Variants in THAP2 observed in about 807,000 individuals in gnomAD.
The protein encoded by THAP2 is THAP domain containing 2, also known as THAP domain-containing protein 2.
Under a neutral mutation model 18.8 loss-of-function variants are expected in THAP2, and 16 were observed. The ratio of observed to expected loss-of-function variants is 0.85; its 90% CI spans 0.58 to 1.29. The LOEUF (loss-of-function observed/expected upper bound fraction) is 1.29. Ranked by LOEUF, THAP2 falls within the 50% of genes most tolerant of loss-of-function variation. THAP2 has a pLI of 0.00. For synonymous variants in THAP2, 80 were observed against 89.2 expected, an observed-to-expected ratio of 0.90 and a Z score of 0.58; for missense variants, 251 against 265.3, an observed-to-expected ratio of 0.95 and a Z score of 0.38.
rs1443754574 is a variant in THAP2 at position 71,677,957 on chromosome 12, A to G, written c.*849A>G. On this transcript the variant is annotated 3_prime_UTR_variant, in exon 3 of 3. Coordinates refer to ENST00000308086, the MANE Select transcript of THAP2 (RefSeq NM_031435.4). ...AAGGTTTTTTGTTTTCTTTTTAACT[A>G]CTTTCCAAATGCATACTATACCTCA... The G allele has an allele frequency of 6.6e-6, 1 of 152,128 alleles. No individual in the cohort carries two copies. Among genetic ancestry groups the G allele is most frequent in the Non-Finnish European group, 1.5e-5 (1 of 68,016 alleles). 9.4% of individuals were successfully genotyped at this position (152,128 alleles called of 1,614,324 possible). A position where few individuals can be genotyped will look rare whatever the true frequency, so the allele number is the denominator to read the frequency against.
At position 71,676,716 on chromosome 12, in the gene THAP2, A is replaced by G; in HGVS notation, c.295A>G (p.Lys99Glu). 6.3e-7 allele frequency: 1 copy of G among 1,580,356 alleles called. No homozygotes were observed. Among genetic ancestry groups the G allele is most frequent in the Non-Finnish European group, 8.6e-7 (1 of 1,166,678 alleles). ...MKLKSRNLLK[K>E]NNSCSPAGPS... ...ACTCAAGTCAAGGAATCTTTTGAAGAAAAACAACAGTTGTTCTCCAGCTGG... is the reference window on the plus strand; with the variant it reads ...ACTCAAGTCAAGGAATCTTTTGAAGGAAAACAACAGTTGTTCTCCAGCTGG... The change falls in exon 3 of 3, where the codon AAA becomes GAA. Residue 99 changes from lysine to glutamate, a missense_variant. Physicochemically the swap from Lys to Glu is moderately conservative, Grantham distance 56 (BLOSUM62 1). Transcript: ENST00000308086.
rs1881299730 is a variant in THAP2, at chr12:71,664,754, G to A, written c.71+174G>A. The A allele has an allele frequency of 2.0e-5, 16 of 792,198 alleles. No individual in the cohort carries two copies. The East Asian group carries it at 4.3e-4, about 21-fold the overall frequency. 49.1% of individuals were successfully genotyped at this position (792,198 alleles called of 1,614,324 possible). A position where few individuals can be genotyped will look rare whatever the true frequency, so the allele number is the denominator to read the frequency against. On this transcript the variant is annotated intron_variant, in intron 1 of 2. Coordinates refer to ENST00000308086, the MANE Select transcript of THAP2 (RefSeq NM_031435.4). ...TCTGCCCAATTGTTCTCTGCTTTCG[G>A]GGAAGCTTTACTCATTTTCTAAAAG...
chr12:71,666,643 A>G (rs904305605), intron 1 of THAP2, among the ~76,000 whole-genome samples: 1 of 152,258 alleles, frequency 6.6e-6, no homozygotes, highest in African/African-American at 2.4e-5. Flanking sequence ...AATAGTATTC[A>G]TTATAATAAA....
Position 71,677,537 on chromosome 12 carries a change from T to G in THAP2, c.*429T>G, listed in dbSNP as rs1012678203. 1.3e-5 allele frequency: 2 copies of G among 152,244 alleles called. No individual in the cohort carries two copies. The highest frequency in any genetic ancestry group is 2.9e-5 in the Non-Finnish European group (2 of 68,058). 9.4% of individuals were successfully genotyped at this position (152,244 alleles called of 1,614,324 possible). ...TTAAAACTGCTGGGTTTTGTATTAA[T>G]TAAATTATAATTGGCACTGTGATTT... On this transcript the variant is annotated 3_prime_UTR_variant, in exon 3 of 3. Transcript: ENST00000308086.
chr12:71,674,459 T>C (rs991746783), intron 2 of THAP2, 61 bp downstream of exon 2: 10 of 1,477,656 alleles, frequency 6.8e-6, no homozygotes, highest in South Asian at 1.4e-5. Context: ...TTTTTGTTTA[T>C]GCAGTTATTA....
rs559579304 is a variant in THAP2, at chr12:71,664,631, C to T, written c.71+51C>T. The T allele has an allele frequency of 4.9e-5, 79 of 1,599,340 alleles. No homozygotes were observed. In the East Asian group the frequency reaches 1.6e-3, roughly 33 times the overall value. ...ACGGAAACTGGAGTTCCTATTGTGGCTATCGCTTGTGTGGAAGGAACAGGA... is the reference window on the plus strand; with the variant it reads ...ACGGAAACTGGAGTTCCTATTGTGGTTATCGCTTGTGTGGAAGGAACAGGA... On this transcript the variant is annotated intron_variant, in intron 1 of 2. Transcript: ENST00000308086.
Position 71,676,928 on chromosome 12 carries a change from C to T in THAP2, c.507C>T (p.Ala169=), listed in dbSNP as rs1375936913. 6.2e-7 allele frequency: 1 copy of T among 1,613,624 alleles called. No homozygotes were observed. The highest frequency in any genetic ancestry group is 1.7e-5 in the Admixed American group (1 of 59,964). Residue 169 remains alanine (A), a synonymous_variant, in exon 3 of 3, where the codon GCC becomes GCT. Transcript: ENST00000308086. ...ERRATRRWIK[A]TCLVKNLEAN... ...GAGCAACTCGAAGATGGATCAAAGC[C>T]ACGTGTTTGGTAAAGAATTTAGAAG...
At chr12:71,668,215 T>C (rs1486788169) in intron 1 of THAP2, among the ~76,000 whole-genome samples, 1 of 152,206 alleles carries the variant, frequency 6.6e-6, no homozygotes, top group Non-Finnish European at 1.5e-5. Context: ...CCACCCTAAC[T>C]TCTCTAGCTG....
intron 2 of THAP2, 84 bp downstream of exon 2, chr12:71,674,482 T>G: frequency 1.5e-6 from 2 of 1,346,738 alleles, no homozygotes; most frequent in Non-Finnish European, 2.0e-6. Context: ...TGAAATTCAT[T>G]TATAGTGATA....
chr12:71,675,953 C>T (rs1881512232), intron 2 of THAP2, among the ~76,000 whole-genome samples: 2 of 151,684 alleles, frequency 1.3e-5, no homozygotes, highest in East Asian at 1.9e-4. Context: ...GATACGGGCC[C>T]AGTGTAAGTA....
At chr12:71,676,345 T>C (rs1233883544) in intron 2 of THAP2, among the ~76,000 whole-genome samples, 1 of 152,090 alleles carries the variant, frequency 6.6e-6, no homozygotes, top group Admixed American at 6.6e-5. Flanking sequence ...AATATCTACA[T>C]ATATTGTAAA....
chr12:71,668,578 A>G (rs190977346), intron 1 of THAP2, among the ~76,000 whole-genome samples: 56 of 152,262 alleles, frequency 3.7e-4, no homozygotes, highest in Non-Finnish European at 7.1e-4. Context: ...ACTCTATTCT[A>G]TTGCATCCAG....
intron 1 of THAP2, among the ~76,000 whole-genome samples, chr12:71,673,846 G>A (rs557453229): frequency 1.3e-5 from 2 of 152,086 alleles, no homozygotes; most frequent in Non-Finnish European, 2.9e-5. Context: ...ACATATATCA[G>A]CAGCAGATTA....
chr12:71,676,564 T>C, intron 2 of THAP2, 125 bp from the exon 3 acceptor site: 3 of 953,386 alleles, frequency 3.1e-6, no homozygotes, highest in Non-Finnish European at 4.5e-6. Context: ...TGCTGTTTCC[T>C]ATTAAAGTTT....
At chr12:71,666,157 AGAAACTACTGAATTT>A (rs1474043736) in intron 1 of THAP2, among the ~76,000 whole-genome samples, 1 of 152,154 alleles carries the variant, frequency 6.6e-6, no homozygotes, top group Non-Finnish European at 1.5e-5. Flanking sequence ...ATGTTCAAGG[AGAAACTACTGAATTT>A]AGTAATTTGA....
At chr12:71,670,447 C>T (rs977609005) in intron 1 of THAP2, among the ~76,000 whole-genome samples, 20 of 152,106 alleles carry the variant, frequency 1.3e-4, no homozygotes, top group African/African-American at 4.8e-4. Flanking sequence ...GTACAGTTGA[C>T]CCTTGAACAA....
At chr12:71,668,371 A>G (rs1881378180) in intron 1 of THAP2, among the ~76,000 whole-genome samples, 1 of 152,334 alleles carries the variant, frequency 6.6e-6, no homozygotes, top group Non-Finnish European at 1.5e-5. Flanking sequence ...TTTAATATTT[A>G]GCATGTACTG....
intron 1 of THAP2, 180 bp downstream of exon 1, chr12:71,664,760 C>G: frequency 1.3e-6 from 1 of 774,770 alleles, no homozygotes; most frequent in Admixed American, 2.1e-5. Flanking sequence ...TTCGGGGAAG[C>G]TTTACTCATT....
intron 1 of THAP2, among the ~76,000 whole-genome samples, chr12:71,668,945 A>G (rs555882079): frequency 9.8e-5 from 15 of 152,346 alleles, no homozygotes; most frequent in African/African-American, 3.4e-4. Context: ...GAAAAATCCA[A>G]ACAACACATC....
Sources: gnomAD v4.1 joint callset for allele counts (sites outside exome capture counted in the v4.1 genomes callset) on GRCh38, gnomAD v4.1.1 for gene constraint, MANE v1.5 for transcripts, NCBI Gene and HGNC (gene_info 2026-07-23, HGNC 2026-07-21) for gene names.